The following CNTNAP2 variants were observed in gnomAD, a reference collection of about 807,000 sequenced individuals.
CNTNAP2 encodes contactin-associated protein-like 2.
CNTNAP2 carries 98 observed loss-of-function variants against 155.2 expected under a neutral mutation model. The observed-to-expected ratio is 0.63, with a 90% confidence interval of 0.54 to 0.75. CNTNAP2 has a LOEUF of 0.75. Among genes scored for constraint, CNTNAP2 ranks in the 30% least tolerant of loss-of-function variants. The pLI is 0.00. For synonymous variants in CNTNAP2, 651 were observed against 631.2 expected (o/e 1.03, Z -0.47); for missense variants, 1,727 against 1,688.1 (o/e 1.02, Z -0.40).
chr7:147,851,068 AT>A (rs1280039443), intron 13 of CNTNAP2, among the ~76,000 whole-genome samples: 2 of 152,230 alleles, frequency 1.3e-5, no homozygotes, highest in Non-Finnish European at 2.9e-5. Flanking sequence ...ACTCAAACAA[AT>A]TTACAAGAAA....
chr7:147,773,483 A>G (rs969944776), intron 13 of CNTNAP2, among the ~76,000 whole-genome samples: 1 of 152,186 alleles, frequency 6.6e-6, no homozygotes. Context: ...TAAAACAAAA[A>G]CAAAAACAAA....
chr7:146,692,598 A>C (rs1800716586), intron 1 of CNTNAP2, among the ~76,000 whole-genome samples: 1 of 152,150 alleles, frequency 6.6e-6, no homozygotes. Context: ...ATAGATAAAG[A>C]GTTTGGACCC....
chr7:147,296,050 A>G (rs2116759574), intron 8 of CNTNAP2, among the ~76,000 whole-genome samples: 1 of 152,322 alleles, frequency 6.6e-6, no homozygotes, highest in South Asian at 2.1e-4. Context: ...TGATGGAGAA[A>G]TTGTCGTGGA....
chr7:147,629,893 A>G (rs1283156194), intron 12 of CNTNAP2, among the ~76,000 whole-genome samples: 6 of 152,144 alleles, frequency 3.9e-5, no homozygotes, highest in Non-Finnish European at 7.4e-5. Context: ...CAAATAAAAA[A>G]ATCTAAGATT....
intron 1 of CNTNAP2, among the ~76,000 whole-genome samples, chr7:146,620,198 A>G (rs1039547560): frequency 1.3e-5 from 2 of 152,168 alleles, no homozygotes; most frequent in African/African-American, 2.4e-5. Flanking sequence ...AAAGAACTTA[A>G]GCAGGGAGAA....
chr7:148,365,694 A>G lies in CNTNAP2; in HGVS notation c.3476-17955A>G, dbSNP rs78541770. Among the ~76,000 whole-genome samples, 125 of 111,688 alleles carry G rather than the reference A, an allele frequency of 1.1e-3. 16 individuals carry two copies. The highest frequency in any genetic ancestry group is 3.5e-3 in the African/African-American group (111 of 31,514). 73.3% of individuals were successfully genotyped at this position (111,688 alleles called of 152,430 possible). A position where few individuals can be genotyped will look rare whatever the true frequency, so the allele number is the denominator to read the frequency against. ...ATACTTGAGATGTATATATATGTATATATGTATACTTTTATATATATGTAT... is the reference window on the plus strand; with the variant it reads ...ATACTTGAGATGTATATATATGTATGTATGTATACTTTTATATATATGTAT... On this transcript the variant is annotated intron_variant, in intron 21 of 23. Coordinates refer to ENST00000361727, the MANE Select transcript of CNTNAP2 (RefSeq NM_014141.6).
rs1023790394 is a variant in CNTNAP2 at position 146,589,756 on chromosome 7, C to G, written c.98-184515C>G. On this transcript the variant is annotated intron_variant, in intron 1 of 23. Coordinates refer to ENST00000361727, the MANE Select transcript of CNTNAP2 (RefSeq NM_014141.6). ...AGAATGTAGAGTATAAAAAAAAAAG[C>G]CCCCAAATATATAATGGAATGTTGC... Among the ~76,000 whole-genome samples the G allele has an allele frequency of 1.9e-4, 28 of 147,340 alleles. 1 individual carries two copies. The East Asian group carries it at 5.3e-3, about 28-fold the overall frequency.
chr7:146,679,764 C>A (rs1264710757), intron 1 of CNTNAP2, among the ~76,000 whole-genome samples: 4 of 151,884 alleles, frequency 2.6e-5, no homozygotes, highest in African/African-American at 9.7e-5. Context: ...TTTCTTCTTT[C>A]TTTTCTCTTT....
At chr7:148,187,750 C>CT (rs1032370333) in intron 18 of CNTNAP2, among the ~76,000 whole-genome samples, 11 of 152,236 alleles carry the variant, frequency 7.2e-5, no homozygotes, top group Middle Eastern at 3.4e-3. Context: ...CCAACATGAG[C>CT]TTTTTTTCCT....
chr7:146,984,773 C>T (rs1033437355), intron 3 of CNTNAP2, among the ~76,000 whole-genome samples: 3 of 151,966 alleles, frequency 2.0e-5, no homozygotes, highest in African/African-American at 7.3e-5. Context: ...TTTTTGAGTC[C>T]TTCTGGCTCT....
chr7:147,114,876 G>A (rs1800954348), intron 5 of CNTNAP2, among the ~76,000 whole-genome samples: 1 of 152,108 alleles, frequency 6.6e-6, no homozygotes. Flanking sequence ...TTAGTTTGCA[G>A]GCTTGTTTAT....
At chr7:146,426,212 T>TAAAAAAAAAAAAAAAAAAAAAAAAAAA (rs1554431713) in intron 1 of CNTNAP2, among the ~76,000 whole-genome samples, 4 of 113,278 alleles carry the variant, frequency 3.5e-5, no homozygotes, top group African/African-American at 1.5e-4. Flanking sequence ...AAAAAAAAAT[T>TAAAAAAAAAAAAAAAAAAAAAAAAAAA]AAAACTTAAG....
intron 1 of CNTNAP2, among the ~76,000 whole-genome samples, chr7:146,433,524 G>T (rs565153463): frequency 1.4e-4 from 21 of 152,096 alleles, no homozygotes; most frequent in Non-Finnish European, 2.4e-4. Flanking sequence ...ACTCAAATAT[G>T]TGTGTACATA....
chr7:146,843,979 T>C (rs1486358572), intron 3 of CNTNAP2, among the ~76,000 whole-genome samples: 1 of 152,138 alleles, frequency 6.6e-6, no homozygotes, highest in Admixed American at 6.5e-5. Context: ...ATAATGTATA[T>C]TGAATCACAT....
chr7:148,179,667 G>C (rs1413156129), intron 18 of CNTNAP2, among the ~76,000 whole-genome samples: 2 of 150,392 alleles, frequency 1.3e-5, no homozygotes, highest in Non-Finnish European at 3.0e-5. Flanking sequence ...GAGAGAACAA[G>C]AGAGAGAAGA....
intron 20 of CNTNAP2, among the ~76,000 whole-genome samples, chr7:148,264,749 C>T (rs1048117772): frequency 6.6e-6 from 1 of 152,100 alleles, no homozygotes; most frequent in Non-Finnish European, 1.5e-5. Context: ...GGCTGGAGTG[C>T]AGTGGCGCGA....
At chr7:147,839,937 T>TACACACACACAC (rs1283249034) in intron 13 of CNTNAP2, among the ~76,000 whole-genome samples, 13 of 94,674 alleles carry the variant, frequency 1.4e-4, no homozygotes, top group African/African-American at 2.9e-4. Flanking sequence ...TATATATATG[T>TACACACACACAC]ATACACACAC....
At chr7:147,325,118 T>C (rs2692138) in intron 9 of CNTNAP2, among the ~76,000 whole-genome samples, 76,818 of 151,622 alleles carry the variant, frequency 0.51, 19,915 homozygotes, top group East Asian at 0.73. Flanking sequence ...GCCTGGCCAA[T>C]ATGGTGAAAC....
intron 1 of CNTNAP2, among the ~76,000 whole-genome samples, chr7:146,266,717 G>C (rs1297745059): frequency 1.3e-5 from 2 of 152,126 alleles, no homozygotes. Flanking sequence ...CTGTTCTAAG[G>C]AGGAGCTGAC....
Sources: allele counts gnomAD v4.1 joint callset (sites outside exome capture counted in the v4.1 genomes callset), GRCh38; gene constraint gnomAD v4.1.1; transcripts MANE v1.5; gene names NCBI Gene and HGNC (gene_info 2026-07-23, HGNC 2026-07-21).